NPAS3: variants seen among roughly 807,000 people sequenced by gnomAD.
The protein encoded by NPAS3 is neuronal PAS domain protein 3.
A neutral mutation model predicts 73.1 loss-of-function variants in NPAS3; 14 were observed. The ratio of observed to expected loss-of-function variants is 0.19; its 90% CI spans 0.13 to 0.30. NPAS3 has a LOEUF of 0.30. NPAS3 is among the 10% of genes least tolerant of loss of function. NPAS3 has a pLI of 1.00. For synonymous variants in NPAS3, 620 were observed against 541.5 expected, an observed-to-expected ratio of 1.14 and a Z score of -2.01; for missense variants, 1,096 against 1,250.0, an observed-to-expected ratio of 0.88 and a Z score of 1.86.
rs1257575243 is a variant in NPAS3 at position 33,061,439 on chromosome 14, A to G, written c.140+5445A>G. 2.0e-5 allele frequency among the ~76,000 whole-genome samples: 3 copies of G among 152,246 alleles called. No homozygotes were observed. In the East Asian group the frequency reaches 5.8e-4, roughly 29 times the overall value. On this transcript the variant is annotated intron_variant, in intron 2 of 11. Coordinates refer to ENST00000356141, the Ensembl canonical transcript of NPAS3. Reference sequence around the variant, plus strand: ...ACAGACATTGAACTTTGTAGCAAGAACTGCTTCAAGCCTTTCGATATCCAA... The same window carrying G: ...ACAGACATTGAACTTTGTAGCAAGAGCTGCTTCAAGCCTTTCGATATCCAA...
chr14:33,404,613 T>G (rs926627890), intron 4 of NPAS3, among the ~76,000 whole-genome samples: 1 of 152,114 alleles, frequency 6.6e-6, no homozygotes, highest in East Asian at 1.9e-4. Flanking sequence ...AGCTACATAC[T>G]TTTTTTATAT....
Position 32,942,825 on chromosome 14 carries a change from G to A in NPAS3, c.50+3459G>A, listed in dbSNP as rs542425023. Among the ~76,000 whole-genome samples the A allele has an allele frequency of 6.4e-4, 97 of 152,202 alleles. 1 individual carries two copies. The highest frequency in any genetic ancestry group is 2.3e-3 in the African/African-American group (94 of 41,536). ...CCACAAGATTGCTTAAATGATAATC[G>A]AAAATATGAAATAGGATGGCCTTCA... On this transcript the variant is annotated intron_variant, in intron 1 of 11. Transcript: ENST00000356141.
At chr14:33,138,459 A>C (rs546630828) in intron 2 of NPAS3, among the ~76,000 whole-genome samples, 1 of 152,246 alleles carries the variant, frequency 6.6e-6, no homozygotes, top group South Asian at 2.1e-4. Context: ...TTCTTCTTTG[A>C]GGTTAGAAAA....
chr14:33,755,381 T>C (rs2062084244), intron 7 of NPAS3, among the ~76,000 whole-genome samples: 1 of 152,232 alleles, frequency 6.6e-6, no homozygotes, highest in Non-Finnish European at 1.5e-5. Flanking sequence ...AAGCCACTTT[T>C]AACAGAAGCC....
intron 2 of NPAS3, among the ~76,000 whole-genome samples, chr14:33,070,597 T>C (rs1036467104): frequency 6.6e-6 from 1 of 152,168 alleles, no homozygotes; most frequent in African/African-American, 2.4e-5. Flanking sequence ...TTGTGGATCA[T>C]TGTTTGAAAG....
chr14:33,276,809 T>G (rs1166380826), intron 3 of NPAS3, among the ~76,000 whole-genome samples: 2 of 152,170 alleles, frequency 1.3e-5, no homozygotes, highest in Non-Finnish European at 2.9e-5. Context: ...GACAGCAGAA[T>G]GTCTGTAAAC....
intron 5 of NPAS3, among the ~76,000 whole-genome samples, chr14:33,649,650 A>G (rs909200603): frequency 2.0e-5 from 3 of 152,206 alleles, no homozygotes; most frequent in Admixed American, 1.3e-4. Flanking sequence ...GAGGTGGAAG[A>G]AGTGAGCTGA....
intron 5 of NPAS3, among the ~76,000 whole-genome samples, chr14:33,571,092 G>A (rs2056190014): frequency 6.6e-6 from 1 of 152,152 alleles, no homozygotes; most frequent in African/African-American, 2.4e-5. Flanking sequence ...CACTCCGTTG[G>A]TGGTGTTTCC....
At chr14:33,120,835 G>A (rs762275883) in intron 2 of NPAS3, among the ~76,000 whole-genome samples, 1 of 152,088 alleles carries the variant, frequency 6.6e-6, no homozygotes, top group East Asian at 1.9e-4. Flanking sequence ...GGAGAAGTAT[G>A]AGTTTATCAG....
chr14:32,975,598 C>T (rs1216163003), intron 1 of NPAS3, among the ~76,000 whole-genome samples: 1 of 152,184 alleles, frequency 6.6e-6, no homozygotes, highest in East Asian at 1.9e-4. Flanking sequence ...TCTTTGCTAT[C>T]TTTAAATCAT....
intron 2 of NPAS3, among the ~76,000 whole-genome samples, chr14:33,208,942 A>G (rs913581227): frequency 6.6e-6 from 1 of 152,202 alleles, no homozygotes; most frequent in Non-Finnish European, 1.5e-5. Context: ...CAAAATGTGC[A>G]TCTATATTTA....
intron 5 of NPAS3, among the ~76,000 whole-genome samples, chr14:33,617,943 T>C (rs2057969329): frequency 6.6e-6 from 1 of 152,188 alleles, no homozygotes; most frequent in African/African-American, 2.4e-5. Context: ...ATCTCTCCAC[T>C]AGTAACTGCG....
chr14:33,264,381 C>G lies in NPAS3; in HGVS notation c.385+48955C>G, dbSNP rs1220537751. Among the ~76,000 whole-genome samples the G allele has an allele frequency of 2.0e-5, 3 of 151,930 alleles. No individual in the cohort carries two copies. The East Asian group carries it at 5.8e-4, about 29-fold the overall frequency. Reference sequence around the variant, plus strand: ...GCACATGTATACATATGTAAAAAACCTGCATGCTGTGCACCTATGCCCTAA... The same window carrying G: ...GCACATGTATACATATGTAAAAAACGTGCATGCTGTGCACCTATGCCCTAA... On this transcript the variant is annotated intron_variant, in intron 3 of 11. Coordinates refer to ENST00000356141, the Ensembl canonical transcript of NPAS3.
At chr14:33,761,467 C>G (rs1172439291) in intron 7 of NPAS3, among the ~76,000 whole-genome samples, 1 of 150,134 alleles carries the variant, frequency 6.7e-6, no homozygotes, top group Non-Finnish European at 1.5e-5. Flanking sequence ...AAAATATCCT[C>G]AAGGCATTAT....
At chr14:33,688,828 T>C (rs914734441) in intron 6 of NPAS3, among the ~76,000 whole-genome samples, 1 of 152,204 alleles carries the variant, frequency 6.6e-6, no homozygotes, top group Admixed American at 6.5e-5. Context: ...CCATCCATGA[T>C]AACAATACAG....
intron 1 of NPAS3, among the ~76,000 whole-genome samples, chr14:32,964,830 A>C (rs529592063): frequency 6.6e-6 from 1 of 151,618 alleles, no homozygotes; most frequent in Non-Finnish European, 1.5e-5. Context: ...AAAAAGAAGA[A>C]GATTAGCTCG....
At chr14:33,788,247 C>T (rs1566542731) in intron 9 of NPAS3, among the ~76,000 whole-genome samples, 1 of 152,198 alleles carries the variant, frequency 6.6e-6, no homozygotes. Context: ...CAGAAGGCAC[C>T]TGCTCTCCGT....
intron 3 of NPAS3, among the ~76,000 whole-genome samples, chr14:33,297,558 G>A (rs1478960564): frequency 6.6e-6 from 1 of 152,140 alleles, no homozygotes; most frequent in Non-Finnish European, 1.5e-5. Flanking sequence ...TTGCTCAGTA[G>A]CCATATTTGG....
At chr14:33,609,597 G>A (rs1023824751) in intron 5 of NPAS3, among the ~76,000 whole-genome samples, 8 of 151,908 alleles carry the variant, frequency 5.3e-5, no homozygotes, top group African/African-American at 1.4e-4. Context: ...TTCTCTTCTC[G>A]GTGGGCTTGG....
Sources: gnomAD v4.1 joint callset for allele counts (sites outside exome capture counted in the v4.1 genomes callset) on GRCh38, gnomAD v4.1.1 for gene constraint, MANE v1.5 for transcripts, NCBI Gene and HGNC (gene_info 2026-07-23, HGNC 2026-07-21) for gene names.